ROBO1: variants seen among roughly 807,000 people sequenced by gnomAD.
ROBO1 encodes roundabout homolog 1.
In ROBO1, 149 loss-of-function variants were observed where a neutral mutation model predicts 195.9. That is an observed-to-expected ratio of 0.76 (90% CI 0.67 to 0.87). The LOEUF (loss-of-function observed/expected upper bound fraction) is 0.87. Ranked by LOEUF, ROBO1 falls within the 40% of genes least tolerant of loss-of-function variation. The pLI is 0.00. For synonymous variants in ROBO1, 816 were observed against 733.2 expected (o/e 1.11, Z -1.82); for missense variants, 1,933 against 2,068.3 (o/e 0.93, Z 1.27).
intron 2 of ROBO1, among the ~76,000 whole-genome samples, chr3:79,237,060 A>C (rs2082419994): frequency 6.6e-6 from 1 of 152,218 alleles, no homozygotes; most frequent in Non-Finnish European, 1.5e-5. Flanking sequence ...TCATCTCAAA[A>C]TACTAATACT....
intron 2 of ROBO1, among the ~76,000 whole-genome samples, chr3:79,326,203 C>CGGTCCTGT (rs1576978880): frequency 6.6e-6 from 1 of 152,128 alleles, no homozygotes; most frequent in African/African-American, 2.4e-5. Flanking sequence ...AATTTCTCCC[C>CGGTCCTGT]GGTCCTGTGG....
chr3:79,271,246 G>T (rs371752302), intron 2 of ROBO1, among the ~76,000 whole-genome samples: 152 of 152,080 alleles, frequency 1.0e-3, no homozygotes, highest in South Asian at 4.8e-3. Context: ...TTATTAGGAA[G>T]TAAATATGTA....
chr3:79,642,222 A>G (rs557763718), intron 1 of ROBO1, among the ~76,000 whole-genome samples: 1 of 152,290 alleles, frequency 6.6e-6, no homozygotes, highest in Admixed American at 6.5e-5. Flanking sequence ...TTGAAAATAC[A>G]CAGTCAGAGG....
chr3:79,761,183 T>C (rs1383938493), intron 1 of ROBO1, among the ~76,000 whole-genome samples: 1 of 148,732 alleles, frequency 6.7e-6, no homozygotes, highest in Non-Finnish European at 1.5e-5. Flanking sequence ...ATACTTATAG[T>C]ATTTATAGAA....
At position 79,044,857 on chromosome 3, in the gene ROBO1, G is replaced by T. The variant is rs189795328; in HGVS notation, c.172+80599C>A. Among the ~76,000 whole-genome samples the T allele has an allele frequency of 3.3e-5, 5 of 151,888 alleles. No homozygotes were observed. The East Asian group carries it at 9.7e-4, about 29-fold the overall frequency. ...CCAGCCTTTAATCTAGAAGTTATTT[G>T]CCACTTGACCCAGGAAATAATTATA... On this transcript the variant is annotated intron_variant, in intron 3 of 30. Transcript: ENST00000464233.
At chr3:79,204,949 G>A (rs1035055825) in intron 2 of ROBO1, among the ~76,000 whole-genome samples, 4 of 150,068 alleles carry the variant, frequency 2.7e-5, no homozygotes, top group Admixed American at 6.7e-5. Context: ...TATTTTTCTC[G>A]CTTCCTTTCT....
chr3:79,515,213 C>G (rs1940891920), intron 2 of ROBO1, among the ~76,000 whole-genome samples: 1 of 152,196 alleles, frequency 6.6e-6, no homozygotes, highest in Non-Finnish European at 1.5e-5. Context: ...TGAAAGCCAG[C>G]AGAGCTTCCT....
intron 2 of ROBO1, among the ~76,000 whole-genome samples, chr3:79,554,759 CAGA>C (rs1403027346): frequency 2.6e-5 from 4 of 152,170 alleles, no homozygotes; most frequent in East Asian, 1.9e-4. Flanking sequence ...TAGTTGGAAT[CAGA>C]AGAAGTATGT....
chr3:79,495,287 G>A (rs1939672481), intron 2 of ROBO1, among the ~76,000 whole-genome samples: 2 of 152,120 alleles, frequency 1.3e-5, no homozygotes, highest in East Asian at 1.9e-4. Flanking sequence ...AAAGAGGGGC[G>A]AACAATAACA....
chr3:79,501,519 A>G lies in ROBO1; in HGVS notation c.88+88305T>C, dbSNP rs182714053. ...TGAGTGTCTCTATGCCAATTTGTTCATTCTTTCAGTGGAGAGAGCAGCTCT... is the reference window on the plus strand; with the variant it reads ...TGAGTGTCTCTATGCCAATTTGTTCGTTCTTTCAGTGGAGAGAGCAGCTCT... On this transcript the variant is annotated intron_variant, in intron 2 of 30. Transcript: ENST00000464233. 2.0e-3 allele frequency among the ~76,000 whole-genome samples: 311 copies of G among 152,302 alleles called. 2 individuals carry two copies. Among genetic ancestry groups the G allele is most frequent in the African/African-American group, 6.2e-3 (258 of 41,568 alleles).
chr3:78,640,070 T>C (rs1029443919), intron 21 of ROBO1, among the ~76,000 whole-genome samples, 172 bp from the exon 22 acceptor site: 17 of 152,106 alleles, frequency 1.1e-4, no homozygotes, highest in African/African-American at 3.6e-4. Flanking sequence ...TAATATAAGG[T>C]TCTGGGATGT....
rs963966478 is a variant in ROBO1 at position 78,597,972 on chromosome 3, G to C, written c.*941C>G. The stretch of plus-strand genomic sequence containing the variant: ...AACCAAAAAAAAAAAAAAAAAGAGA[G>C]AGAGATTAAAAACAGTGCATTACAA... On this transcript the variant is annotated 3_prime_UTR_variant, in exon 31 of 31. Coordinates refer to ENST00000464233, the MANE Select transcript of ROBO1 (RefSeq NM_002941.4). 6.9e-6 allele frequency: 1 copy of C among 145,742 alleles called. No homozygotes were observed. Among genetic ancestry groups the C allele is most frequent in the Non-Finnish European group, 1.5e-5 (1 of 66,684 alleles). 9.0% of individuals were successfully genotyped at this position (145,742 alleles called of 1,614,324 possible). A position where few individuals can be genotyped will look rare whatever the true frequency, so the allele number is the denominator to read the frequency against.
At chr3:78,677,578 G>GGCC (rs1708515984) in intron 10 of ROBO1, among the ~76,000 whole-genome samples, 1 of 151,508 alleles carries the variant, frequency 6.6e-6, no homozygotes, top group Non-Finnish European at 1.5e-5. Context: ...AGACAAAGAA[G>GGCC]GCCATTACAT....
rs181842824 is a variant in ROBO1, at chr3:79,641,350, C to A, written c.-50-51389G>T. Among the ~76,000 whole-genome samples, 695 of 152,164 alleles carry A rather than the reference C, an allele frequency of 4.6e-3. 5 individuals carry two copies. Among genetic ancestry groups the A allele is most frequent in the African/African-American group, 0.014 (588 of 41,536 alleles). On this transcript the variant is annotated intron_variant, in intron 1 of 30. Coordinates refer to ENST00000464233, the MANE Select transcript of ROBO1 (RefSeq NM_002941.4). The stretch of plus-strand genomic sequence containing the variant: ...ACCTTCCCTACACAACTCTTTTTTA[C>A]ATCTTTAAAAATAATCAAATATATA...
intron 2 of ROBO1, among the ~76,000 whole-genome samples, chr3:79,348,951 A>C (rs2035236941): frequency 6.6e-6 from 1 of 152,178 alleles, no homozygotes; most frequent in Admixed American, 6.6e-5. Flanking sequence ...AATTGAATCT[A>C]AATATTAACA....
chr3:79,648,352 A>G (rs1243384698), intron 1 of ROBO1, among the ~76,000 whole-genome samples: 1 of 152,058 alleles, frequency 6.6e-6, no homozygotes, highest in East Asian at 1.9e-4. Context: ...GTTGGGAATC[A>G]AGCACAAGCA....
intron 10 of ROBO1, among the ~76,000 whole-genome samples, chr3:78,676,914 G>A (rs1232295679): frequency 1.3e-5 from 2 of 152,212 alleles, no homozygotes; most frequent in African/African-American, 2.4e-5. Flanking sequence ...AATGTTAAGG[G>A]CAGCCAGAGA....
rs73126604 is a variant in ROBO1, at chr3:79,113,889, C to T, written c.172+11567G>A. The stretch of plus-strand genomic sequence containing the variant: ...ATAATGATGATTATTGCACACATAA[C>T]TTATATGGTTTGGCTGCGTCCCCAC... On this transcript the variant is annotated intron_variant, in intron 3 of 30. Coordinates refer to ENST00000464233, the MANE Select transcript of ROBO1 (RefSeq NM_002941.4). 3.1e-3 allele frequency among the ~76,000 whole-genome samples: 466 copies of T among 152,268 alleles called. 3 individuals carry two copies. The highest frequency in any genetic ancestry group is 5.3e-3 in the Non-Finnish European group (358 of 68,000).
At chr3:78,783,210 C>A (rs577940075) in intron 4 of ROBO1, among the ~76,000 whole-genome samples, 1 of 152,198 alleles carries the variant, frequency 6.6e-6, no homozygotes, top group African/African-American at 2.4e-5. Flanking sequence ...TGTACCTATT[C>A]AGTAATTTCC....
Sources: gnomAD v4.1 joint callset for allele counts (sites outside exome capture counted in the v4.1 genomes callset) on GRCh38, gnomAD v4.1.1 for gene constraint, MANE v1.5 for transcripts, NCBI Gene and HGNC (gene_info 2026-07-23, HGNC 2026-07-21) for gene names.